Variants in C12orf42 observed in about 807,000 individuals in gnomAD.
C12orf42 encodes uncharacterized protein C12orf42.
In C12orf42, 25 loss-of-function variants were observed where a neutral mutation model predicts 21.6. The observed-to-expected ratio is 1.16, with a 90% CI of 0.84 to 1.62. C12orf42 has a LOEUF of 1.62. Ranked by LOEUF, C12orf42 falls within the 40% of genes most tolerant of loss-of-function variation. The pLI, the probability that C12orf42 is intolerant of heterozygous loss-of-function variation, is 0.00. For missense variants in C12orf42, 483 were observed against 459.3 expected (o/e 1.05, Z -0.47); for synonymous variants, 174 against 175.0 (o/e 0.99, Z 0.05).
chr12:103,180,196 T>C, the C12orf42 span, among the ~76,000 whole-genome samples: 1 of 151,856 alleles, frequency 6.6e-6, no homozygotes, highest in African/African-American at 2.4e-5. Flanking sequence ...AGCTCTTACA[T>C]ATTACAATGG....
the C12orf42 span, among the ~76,000 whole-genome samples, chr12:103,136,152 A>C: frequency 6.6e-6 from 1 of 152,226 alleles, no homozygotes; most frequent in East Asian, 1.9e-4. Flanking sequence ...AAAAACCTAC[A>C]GACTTCACAA....
At chr12:103,128,763 C>A in the C12orf42 span, among the ~76,000 whole-genome samples, 1 of 152,190 alleles carries the variant, frequency 6.6e-6, no homozygotes, top group African/African-American at 2.4e-5. Context: ...TTATTCTGAT[C>A]ACTCAATAAA....
chr12:103,244,407 A>G (rs539840572), intron 10 of C12orf42, among the ~76,000 whole-genome samples: 27 of 152,160 alleles, frequency 1.8e-4, no homozygotes, highest in Non-Finnish European at 3.5e-4. Context: ...GCCTAGACAT[A>G]GGCAGTGATG....
the C12orf42 span, among the ~76,000 whole-genome samples, chr12:103,087,215 C>T: frequency 2.0e-5 from 3 of 152,156 alleles, no homozygotes; most frequent in African/African-American, 7.2e-5. Context: ...AAGATCCTGA[C>T]TGTCACATAT....
upstream of C12orf42, among the ~76,000 whole-genome samples, chr12:103,500,923 A>G (rs553985823): frequency 6.6e-6 from 1 of 152,372 alleles, no homozygotes; most frequent in South Asian, 2.1e-4. Flanking sequence ...ATTATAAGAA[A>G]GGCATTTGCT....
intron 4 of C12orf42, among the ~76,000 whole-genome samples, chr12:103,294,509 AAG>A (rs2037073249): frequency 6.9e-6 from 1 of 145,492 alleles, no homozygotes; most frequent in Admixed American, 6.8e-5. Flanking sequence ...AAGAAAGAAA[AAG>A]AAAGGAAGAA....
At chr12:103,166,960 T>TCTA in the C12orf42 span, among the ~76,000 whole-genome samples, 1 of 152,216 alleles carries the variant, frequency 6.6e-6, no homozygotes, top group Non-Finnish European at 1.5e-5. Context: ...TTCTAAAACA[T>TCTA]CTACCTGACA....
chr12:103,212,022 C>CTT, the C12orf42 span, among the ~76,000 whole-genome samples: 1 of 152,060 alleles, frequency 6.6e-6, no homozygotes, highest in Non-Finnish European at 1.5e-5. Flanking sequence ...TCTTCTAGAA[C>CTT]TTTAACAGTT....
intron 2 of C12orf42, among the ~76,000 whole-genome samples, chr12:103,476,166 G>A (rs1203988524): frequency 6.6e-6 from 1 of 152,152 alleles, no homozygotes; most frequent in African/African-American, 2.4e-5. Context: ...AATGAAAGCA[G>A]GCTGATGTGG....
intron 4 of C12orf42, among the ~76,000 whole-genome samples, chr12:103,280,769 C>A (rs553268898): frequency 2.8e-4 from 42 of 152,320 alleles, no homozygotes; most frequent in African/African-American, 1.0e-3. Context: ...CCAAGGTTTT[C>A]CCACTTAGTC....
chr12:103,367,330 A>C (rs539700526), intron 4 of C12orf42, among the ~76,000 whole-genome samples: 93 of 151,952 alleles, frequency 6.1e-4, no homozygotes, highest in African/African-American at 2.2e-3. Context: ...AAAGGCTACA[A>C]ATTGGGTTCA....
the C12orf42 span, among the ~76,000 whole-genome samples, chr12:103,165,964 C>T: frequency 2.6e-5 from 4 of 151,342 alleles, no homozygotes; most frequent in Non-Finnish European, 4.4e-5. Flanking sequence ...GGCGTGAACC[C>T]GGGAGGGGGA....
chr12:103,556,651 G>C, the C12orf42 span, among the ~76,000 whole-genome samples: 5 of 152,142 alleles, frequency 3.3e-5, no homozygotes, highest in Non-Finnish European at 7.3e-5. Flanking sequence ...TTGTCAGAGG[G>C]TTCAAACTAA....
intron 3 of C12orf42, among the ~76,000 whole-genome samples, chr12:103,388,472 T>G (rs2138381584): frequency 6.6e-6 from 1 of 152,240 alleles, no homozygotes; most frequent in Admixed American, 6.5e-5. Flanking sequence ...TCTCTTTCTC[T>G]CTCCCTCTTC....
chr12:103,086,708 A>C, the C12orf42 span, among the ~76,000 whole-genome samples: 1 of 151,962 alleles, frequency 6.6e-6, no homozygotes, highest in African/African-American at 2.4e-5. Flanking sequence ...AATTTAATAC[A>C]TATGTTTCTG....
chr12:103,166,449 A>G, the C12orf42 span, among the ~76,000 whole-genome samples: 1 of 152,202 alleles, frequency 6.6e-6, no homozygotes, highest in Non-Finnish European at 1.5e-5. Context: ...CTTGATTTTC[A>G]AAACAAGTTA....
chr12:103,524,276 A>G, the C12orf42 span, among the ~76,000 whole-genome samples: 2 of 152,144 alleles, frequency 1.3e-5, no homozygotes, highest in Non-Finnish European at 1.5e-5. Flanking sequence ...AGCTGCCCCA[A>G]TTTCATCCTT....
At chr12:103,317,489 T>G (rs2039630124) in intron 4 of C12orf42, among the ~76,000 whole-genome samples, 1 of 152,216 alleles carries the variant, frequency 6.6e-6, no homozygotes, top group Non-Finnish European at 1.5e-5. Flanking sequence ...AATGTTTTAT[T>G]TTTAAATGTC....
chr12:103,056,031 TATACATAG>T, the C12orf42 span, among the ~76,000 whole-genome samples: 1 of 152,148 alleles, frequency 6.6e-6, no homozygotes, highest in Non-Finnish European at 1.5e-5. Context: ...TGGAGTGTTC[TATACATAG>T]CGATTAGATT....
Sources: gnomAD v4.1 joint callset for allele counts (sites outside exome capture counted in the v4.1 genomes callset) on GRCh38, gnomAD v4.1.1 for gene constraint, MANE v1.5 for transcripts, NCBI Gene and HGNC (gene_info 2026-07-23, HGNC 2026-07-21) for gene names.